The following MAGI1 variants were observed in gnomAD, a reference collection of about 807,000 sequenced individuals.
MAGI1 encodes membrane associated guanylate kinase, WW and PDZ domain containing 1.
MAGI1 carries 58 observed loss-of-function variants against 139.9 expected under a neutral mutation model. The observed-to-expected ratio is 0.41, with a 90% CI of 0.34 to 0.52. MAGI1 has a LOEUF of 0.52. Ranked by LOEUF, MAGI1 falls within the 20% of genes least tolerant of loss-of-function variation. The pLI is 0.12. For missense variants in MAGI1, 1,874 were observed against 1,901.6 expected, an observed-to-expected ratio of 0.99 and a Z score of 0.27; for synonymous variants, 812 against 737.9, an observed-to-expected ratio of 1.10 and a Z score of -1.63.
At chr3:65,565,036 T>C (rs2080545992) in intron 2 of MAGI1, among the ~76,000 whole-genome samples, 2 of 152,366 alleles carry the variant, frequency 1.3e-5, no homozygotes, top group African/African-American at 4.8e-5. Context: ...TATTTCATTC[T>C]TTCCAAACCT....
chr3:65,555,514 G>A (rs1034344639), intron 2 of MAGI1, among the ~76,000 whole-genome samples: 3 of 152,188 alleles, frequency 2.0e-5, no homozygotes, highest in South Asian at 2.1e-4. Context: ...CTAGAACACT[G>A]CTTGAACACA....
chr3:65,397,019 C>T (rs898303805), intron 13 of MAGI1, among the ~76,000 whole-genome samples: 1 of 152,298 alleles, frequency 6.6e-6, no homozygotes, highest in African/African-American at 2.4e-5. Context: ...TCTTCCAGGG[C>T]TCCAAAAGGC....
chr3:65,641,927 G>A (rs1217307565), intron 1 of MAGI1, among the ~76,000 whole-genome samples: 1 of 152,142 alleles, frequency 6.6e-6, no homozygotes, highest in African/African-American at 2.4e-5. Context: ...CAAATACAAA[G>A]GATGGGTTAG....
chr3:65,558,500 A>G (rs2080193964), intron 2 of MAGI1, among the ~76,000 whole-genome samples: 1 of 152,198 alleles, frequency 6.6e-6, no homozygotes, highest in Non-Finnish European at 1.5e-5. Context: ...AGAAAAAAAC[A>G]AAAACAAAAA....
chr3:65,945,032 A>C (rs2063488816), intron 1 of MAGI1, among the ~76,000 whole-genome samples: 1 of 152,202 alleles, frequency 6.6e-6, no homozygotes, highest in African/African-American at 2.4e-5. Context: ...AACATATATG[A>C]AAAGCAACAA....
chr3:65,522,920 A>G (rs1435447351), intron 2 of MAGI1, among the ~76,000 whole-genome samples: 1 of 152,154 alleles, frequency 6.6e-6, no homozygotes, highest in African/African-American at 2.4e-5. Context: ...TTTTGGCTTC[A>G]GGCTCAGCTT....
chr3:65,365,292 A>C, intron 18 of MAGI1: 1 of 462,494 alleles, frequency 2.2e-6, no homozygotes, highest in Admixed American at 2.6e-5. Flanking sequence ...GTGCTGCACC[A>C]CAGCAGAATT....
intron 2 of MAGI1, among the ~76,000 whole-genome samples, chr3:65,562,732 C>T (rs949842082): frequency 6.6e-5 from 10 of 152,168 alleles, no homozygotes; most frequent in Admixed American, 1.3e-4. Flanking sequence ...ACTTGTGGGA[C>T]ATCTCATAAA....
chr3:65,445,141 T>C (rs575204965), intron 7 of MAGI1, among the ~76,000 whole-genome samples: 1 of 152,206 alleles, frequency 6.6e-6, no homozygotes, highest in African/African-American at 2.4e-5. Context: ...TCACAGAGAT[T>C]TGAAGTGGCT....
intron 1 of MAGI1, among the ~76,000 whole-genome samples, chr3:65,982,409 CCTT>C (rs1431022557): frequency 6.6e-6 from 1 of 152,206 alleles, no homozygotes; most frequent in African/African-American, 2.4e-5. Context: ...TGACCTTTCT[CCTT>C]CTCACCAGGG....
chr3:65,581,632 G>A (rs985066350), intron 2 of MAGI1, among the ~76,000 whole-genome samples: 1 of 152,048 alleles, frequency 6.6e-6, no homozygotes, highest in Admixed American at 6.6e-5. Flanking sequence ...TGCCATTTGT[G>A]AAGTTAATAC....
intron 2 of MAGI1, among the ~76,000 whole-genome samples, chr3:65,502,827 TGAAAA>T (rs2077133840): frequency 6.6e-6 from 1 of 151,818 alleles, no homozygotes. Flanking sequence ...AATTCCAATG[TGAAAA>T]GAAAAGGTGT....
chr3:65,420,345 C>A (rs1946550623), intron 12 of MAGI1, among the ~76,000 whole-genome samples: 1 of 152,088 alleles, frequency 6.6e-6, no homozygotes, highest in South Asian at 2.1e-4. Context: ...GTTTCCTTCT[C>A]TGTGGTCACT....
At chr3:65,864,060 T>C (rs1301267719) in intron 1 of MAGI1, among the ~76,000 whole-genome samples, 3 of 151,544 alleles carry the variant, frequency 2.0e-5, no homozygotes, top group Non-Finnish European at 2.9e-5. Flanking sequence ...ATAGGGTGAG[T>C]GAATGAATAA....
At chr3:65,832,615 C>A (rs2042588275) in intron 1 of MAGI1, among the ~76,000 whole-genome samples, 1 of 152,038 alleles carries the variant, frequency 6.6e-6, no homozygotes, top group South Asian at 2.1e-4. Context: ...TCTCTTCCAA[C>A]AATTACCATG....
intron 12 of MAGI1, among the ~76,000 whole-genome samples, chr3:65,403,411 T>C (rs1289876852): frequency 6.6e-6 from 1 of 152,240 alleles, no homozygotes; most frequent in Non-Finnish European, 1.5e-5. Flanking sequence ...TTTTGATATG[T>C]CTTTATTTTT....
At chr3:65,628,589 G>C (rs186837654) in intron 1 of MAGI1, among the ~76,000 whole-genome samples, 1 of 151,776 alleles carries the variant, frequency 6.6e-6, no homozygotes, top group East Asian at 1.9e-4. Flanking sequence ...AGACTCTCGG[G>C]GAAAAAAAGC....
chr3:65,615,431 A>G (rs888993911), intron 2 of MAGI1, among the ~76,000 whole-genome samples: 1 of 152,166 alleles, frequency 6.6e-6, no homozygotes, highest in Admixed American at 6.5e-5. Flanking sequence ...TCCTTCTCAT[A>G]AACTCACTAA....
intron 13 of MAGI1, among the ~76,000 whole-genome samples, chr3:65,391,938 G>A (rs894684202): frequency 2.6e-5 from 4 of 152,122 alleles, no homozygotes. Flanking sequence ...TCTAGGTGTA[G>A]AAATTACTAA....
Sources: allele counts gnomAD v4.1 joint callset (sites outside exome capture counted in the v4.1 genomes callset), GRCh38; gene constraint gnomAD v4.1.1; transcripts MANE v1.5; gene names NCBI Gene and HGNC (gene_info 2026-07-23, HGNC 2026-07-21).